The following KIF24 variants were observed in gnomAD, a reference collection of about 807,000 sequenced individuals.
The protein encoded by KIF24 is kinesin-like protein KIF24.
KIF24 carries 81 observed loss-of-function variants against 118.9 expected under a neutral mutation model. That is an observed-to-expected ratio of 0.68 (90% CI 0.57 to 0.82). The LOEUF (loss-of-function observed/expected upper bound fraction) is 0.82, where lower values mean the gene tolerates loss of function less well. KIF24 is among the 40% of genes least tolerant of loss of function. The pLI is 0.00. For synonymous variants in KIF24, 599 were observed against 610.0 expected (o/e 0.98, Z 0.27); for missense variants, 1,560 against 1,661.6 (o/e 0.94, Z 1.06).
At chr9:34,295,202 C>T (rs1029249307) in intron 4 of KIF24, among the ~76,000 whole-genome samples, 3 of 150,380 alleles carry the variant, frequency 2.0e-5, no homozygotes, top group African/African-American at 7.4e-5. Context: ...GATAGACAGA[C>T]AGACAGACAG....
At chr9:34,294,822 T>A (rs1175103141) in intron 4 of KIF24, among the ~76,000 whole-genome samples, 1 of 152,146 alleles carries the variant, frequency 6.6e-6, no homozygotes, top group East Asian at 1.9e-4. Flanking sequence ...AGAAAGTAAG[T>A]CAGTGGTTAC....
At chr9:34,271,774 G>A in intron 7 of KIF24, 35 bp downstream of exon 7, 1 of 1,607,990 alleles carries the variant, frequency 6.2e-7, no homozygotes, top group Non-Finnish European at 8.5e-7. Flanking sequence ...TAAAGGAAAG[G>A]CAGACAATGT....
intron 1 of KIF24, among the ~76,000 whole-genome samples, chr9:34,315,443 T>C (rs1837300490): frequency 6.6e-6 from 1 of 152,216 alleles, no homozygotes; most frequent in Non-Finnish European, 1.5e-5. Context: ...ATCCATACTA[T>C]TATAAATATT....
intron 1 of KIF24, among the ~76,000 whole-genome samples, chr9:34,312,848 G>A (rs889897539): frequency 6.6e-6 from 1 of 152,124 alleles, no homozygotes; most frequent in African/African-American, 2.4e-5. Flanking sequence ...ACAGGTGCGT[G>A]CCACCACACC....
In KIF24 at chr9:34,260,479, C is replaced by T. The variant is rs116945009; in HGVS notation, c.1516-774G>A. The stretch of plus-strand genomic sequence containing the variant: ...AAAAAGGTGTATGACTCCATAACTC[C>T]GTAAGCAGATCCATATGAGGCTATG... On this transcript the variant is annotated intron_variant, in intron 9 of 12. Transcript: ENST00000402558. Among the ~76,000 whole-genome samples, 770 of 152,238 alleles carry T rather than the reference C, an allele frequency of 5.1e-3. 1 individual carries two copies. The highest frequency in any genetic ancestry group is 9.0e-3 in the Non-Finnish European group (609 of 68,012).
At chr9:34,306,814 AG>A (rs1432329486) in intron 2 of KIF24, among the ~76,000 whole-genome samples, 1 of 151,992 alleles carries the variant, frequency 6.6e-6, no homozygotes, top group Non-Finnish European at 1.5e-5. Context: ...AAAAAAAAAA[AG>A]TATTGGTACA....
chr9:34,288,776 A>C (rs946681791), intron 5 of KIF24, among the ~76,000 whole-genome samples: 4 of 151,904 alleles, frequency 2.6e-5, no homozygotes, highest in African/African-American at 7.3e-5. Flanking sequence ...GCAATAAAAT[A>C]ATCTGGGCAA....
At chr9:34,295,339 C>A (rs979315690) in intron 4 of KIF24, among the ~76,000 whole-genome samples, 4 of 152,046 alleles carry the variant, frequency 2.6e-5, no homozygotes, top group Non-Finnish European at 5.9e-5. Context: ...TCCCAAGTAG[C>A]TGGGACCACA....
At chr9:34,319,495 T>A in intron 1 of KIF24, 1 of 1,293,856 alleles carries the variant, frequency 7.7e-7, no homozygotes, top group Admixed American at 1.8e-5. Context: ...GGCAACTCCT[T>A]TGACCAGGAC....
intron 8 of KIF24, among the ~76,000 whole-genome samples, chr9:34,266,126 C>T (rs1161515919): frequency 7.9e-5 from 12 of 152,134 alleles, no homozygotes; most frequent in East Asian, 3.9e-4. Context: ...CTCCTGGGCT[C>T]GAGTGATCTG....
chr9:34,288,510 A>T (rs1345836182), intron 5 of KIF24, among the ~76,000 whole-genome samples: 1 of 151,902 alleles, frequency 6.6e-6, no homozygotes, highest in Non-Finnish European at 1.5e-5. Flanking sequence ...AAAAAAAATC[A>T]ACAGGGTAAA....
intron 1 of KIF24, among the ~76,000 whole-genome samples, chr9:34,316,842 C>T (rs947879392): frequency 2.6e-5 from 4 of 152,084 alleles, no homozygotes; most frequent in African/African-American, 9.6e-5. Flanking sequence ...GAGGCTGAGG[C>T]GAGTGGATCA....
intron 9 of KIF24, 26 bp from the exon 10 acceptor site, chr9:34,259,731 T>G: frequency 6.7e-7 from 1 of 1,487,494 alleles, no homozygotes; most frequent in Non-Finnish European, 9.4e-7. Flanking sequence ...GGCAGGTCAA[T>G]GAGTGAAGTC....
chr9:34,281,385 G>A (rs1192160580), intron 6 of KIF24, among the ~76,000 whole-genome samples: 2 of 152,122 alleles, frequency 1.3e-5, no homozygotes, highest in South Asian at 2.1e-4. Flanking sequence ...GTAGAGTATC[G>A]TGAAAAAGGC....
upstream of KIF24, chr9:34,329,429 G>A (rs1362918274): frequency 1.3e-5 from 2 of 152,276 alleles, no homozygotes; most frequent in African/African-American, 2.4e-5. Context: ...CAATCGTTCC[G>A]CTTGAGGGAA....
At position 34,276,685 on chromosome 9, in the gene KIF24, T is replaced by C. The variant is rs1835672604; in HGVS notation, c.1216-4755A>G. Among the ~76,000 whole-genome samples the C allele has an allele frequency of 4.6e-5, 7 of 152,350 alleles. No homozygotes were observed. In the South Asian group the frequency reaches 1.2e-3, roughly 27 times the overall value. On this transcript the variant is annotated intron_variant, in intron 6 of 12. Transcript: ENST00000402558. ...GATGTAAAATCAAAATTCAGAATCA[T>C]ACTTAAATACACCCATTTTGTAAAA...
At position 34,311,273 on chromosome 9, in the gene KIF24, C is replaced by T; in HGVS notation, c.74G>A (p.Gly25Asp). Reference protein sequence around the residue: ...AQYYSHFTALGLQKIDELAKI... With the variant: ...AQYYSHFTALDLQKIDELAKI... ...GGCTAATTCATCTATTTTCTGAAGG[C>T]CAAGGGCAGTGAAATGAGAATAATA... is the stretch of plus-strand genomic sequence containing the variant. Residue 25 changes from glycine to aspartate, a missense_variant, in exon 2 of 13, where the codon GGC (glycine) becomes GAC (aspartate). Transcript: ENST00000402558. 1 of 1,611,536 alleles carries T rather than the reference C, an allele frequency of 6.2e-7. No homozygotes were observed. Among genetic ancestry groups the T allele is most frequent in the Non-Finnish European group, 8.5e-7 (1 of 1,178,412 alleles).
At chr9:34,272,550 A>G (rs1266559636) in intron 6 of KIF24, among the ~76,000 whole-genome samples, 1 of 152,184 alleles carries the variant, frequency 6.6e-6, no homozygotes, top group Non-Finnish European at 1.5e-5. Flanking sequence ...GCCACTGAAA[A>G]CACAGCCATT....
Position 34,254,140 on chromosome 9 carries a change from C to A in KIF24, c.*240G>T, listed in dbSNP as rs1834720104. ...AGGCACAAGGGAAAGGCATTAGGTT[C>A]TTCGGCCTGGCCCACCCTTGGAGGC... On this transcript the variant is annotated 3_prime_UTR_variant, in exon 13 of 13. Coordinates refer to ENST00000402558, the MANE Select transcript of KIF24 (RefSeq NM_194313.4). The A allele has an allele frequency of 7.4e-6, 3 of 403,606 alleles. No homozygotes were observed. The highest frequency in any genetic ancestry group is 6.3e-4 in the Middle Eastern group (1 of 1,582). 25.0% of individuals were successfully genotyped at this position (403,606 alleles called of 1,614,324 possible). A position where few individuals can be genotyped will look rare whatever the true frequency, so the allele number is the denominator to read the frequency against.
Sources: allele counts gnomAD v4.1 joint callset (sites outside exome capture counted in the v4.1 genomes callset), GRCh38; gene constraint gnomAD v4.1.1; transcripts MANE v1.5; gene names NCBI Gene and HGNC (gene_info 2026-07-23, HGNC 2026-07-21).